ARHGEF10: variants seen among roughly 807,000 people sequenced by gnomAD.
The protein encoded by ARHGEF10 is Rho guanine nucleotide exchange factor 10, also known as Rho guanine nucleotide exchange factor (GEF) 10.
Under a neutral mutation model 147.4 loss-of-function variants are expected in ARHGEF10, and 140 were observed. That is an observed-to-expected ratio of 0.95 (90% CI 0.83 to 1.09). The LOEUF is 1.09. Among genes scored for constraint, ARHGEF10 ranks in the 50% least tolerant of loss-of-function variants. The pLI is 0.00. For missense variants in ARHGEF10, 2,222 were observed against 1,752.7 expected (o/e 1.27, Z -4.78); for synonymous variants, 902 against 695.8 (o/e 1.30, Z -4.67).
Position 1,893,695 on chromosome 8 carries a change from T to C in ARHGEF10, c.1260+49T>C, listed in dbSNP as rs773137470. 1.8e-5 allele frequency: 25 copies of C among 1,356,620 alleles called. No individual in the cohort carries two copies. In the Middle Eastern group the frequency reaches 1.6e-3, roughly 86 times the overall value. The allele number at this position is 1,356,620 out of a possible 1,614,324, so 84.0% of individuals were successfully genotyped here. A position where few individuals can be genotyped will look rare whatever the true frequency, so the allele number is the denominator to read the frequency against. ...ATACATACATTTCTATTATTCTTTT[T>C]TACCTATATACATTTTGATCCATAA... On this transcript the variant is annotated intron_variant, in intron 12 of 28. Transcript: ENST00000349830.
intron 9 of ARHGEF10, among the ~76,000 whole-genome samples, chr8:1,882,231 G>A (rs1808261928): frequency 6.6e-6 from 1 of 152,246 alleles, no homozygotes; most frequent in African/African-American, 2.4e-5. Context: ...CCCACATGGG[G>A]TGCAGTGGGA....
At chr8:1,873,716 T>C (rs7819561) in intron 7 of ARHGEF10, among the ~76,000 whole-genome samples, 15,556 of 62,780 alleles carry the variant, frequency 0.25, 1,959 homozygotes, top group East Asian at 0.46. Context: ...GGTAGTGCAC[T>C]CGCATTTCCT....
chr8:1,914,313 G>A (rs1345349459), intron 18 of ARHGEF10, among the ~76,000 whole-genome samples: 1 of 152,220 alleles, frequency 6.6e-6, no homozygotes, highest in African/African-American at 2.4e-5. Context: ...TTCTGTGGAG[G>A]CACGGAGGGG....
At chr8:1,925,990 G>A (rs1812661508) in intron 22 of ARHGEF10, among the ~76,000 whole-genome samples, 1 of 152,204 alleles carries the variant, frequency 6.6e-6, no homozygotes, top group Non-Finnish European at 1.5e-5. Context: ...GTTGAGAGTT[G>A]CAGGCGGTGC....
chr8:1,886,951 A>G (rs1808714433), intron 11 of ARHGEF10, among the ~76,000 whole-genome samples: 1 of 152,148 alleles, frequency 6.6e-6, no homozygotes, highest in Non-Finnish European at 1.5e-5. Context: ...CCAGGAACAG[A>G]GGATCTAGCG....
At chr8:1,912,733 T>G (rs891674563) in intron 18 of ARHGEF10, among the ~76,000 whole-genome samples, 2 of 152,148 alleles carry the variant, frequency 1.3e-5, no homozygotes, top group African/African-American at 4.8e-5. Flanking sequence ...TGATGCTGTT[T>G]TGAAAAATGT....
intron 4 of ARHGEF10, among the ~76,000 whole-genome samples, chr8:1,861,895 A>AT (rs1806163735): frequency 1.3e-5 from 2 of 152,222 alleles, no homozygotes; most frequent in Admixed American, 1.3e-4. Flanking sequence ...ATTTTAAAAT[A>AT]TTATTTGATT....
intron 25 of ARHGEF10, among the ~76,000 whole-genome samples, chr8:1,932,146 G>A (rs913407700): frequency 4.6e-5 from 7 of 152,198 alleles, no homozygotes; most frequent in African/African-American, 1.7e-4. Flanking sequence ...GTGAATGTCA[G>A]AGAAAATTGT....
At chr8:1,846,827 T>C (rs1161492690) in intron 2 of ARHGEF10, among the ~76,000 whole-genome samples, 4 of 152,226 alleles carry the variant, frequency 2.6e-5, no homozygotes, top group African/African-American at 9.6e-5. Context: ...TCTGCCCACG[T>C]TGGCCTCCGA....
chr8:1,855,757 T>C (rs1387658019), intron 2 of ARHGEF10, among the ~76,000 whole-genome samples: 1 of 152,180 alleles, frequency 6.6e-6, no homozygotes, highest in African/African-American at 2.4e-5. Flanking sequence ...GCAGCACGTT[T>C]ATTTGGCAAA....
At chr8:1,915,055 A>G (rs1811653132) in intron 18 of ARHGEF10, among the ~76,000 whole-genome samples, 1 of 152,158 alleles carries the variant, frequency 6.6e-6, no homozygotes, top group Non-Finnish European at 1.5e-5. Flanking sequence ...ACCTCCTGCC[A>G]CCACTCTCTG....
At chr8:1,947,597 G>A (rs1713263051) in intron 27 of ARHGEF10, among the ~76,000 whole-genome samples, 1 of 151,816 alleles carries the variant, frequency 6.6e-6, no homozygotes, top group South Asian at 2.1e-4. Flanking sequence ...GAAAGCCTGC[G>A]CTCTGGGGAC....
At chr8:1,838,898 T>G (rs1803753125) in intron 1 of ARHGEF10, among the ~76,000 whole-genome samples, 1 of 149,184 alleles carries the variant, frequency 6.7e-6, no homozygotes, top group Non-Finnish European at 1.5e-5. Flanking sequence ...GAGTGGAAGG[T>G]GTTTGATGTG....
intron 23 of ARHGEF10, chr8:1,927,500 CT>C (rs1812776557): frequency 6.6e-6 from 1 of 151,380 alleles, no homozygotes; most frequent in Non-Finnish European, 1.5e-5. Context: ...CCCCTTCCCA[CT>C]TAAAAAAAAA....
chr8:1,922,400 C>T lies in ARHGEF10; in HGVS notation c.2144-564C>T, dbSNP rs139690475. Among the ~76,000 whole-genome samples, 659 of 152,102 alleles carry T rather than the reference C, an allele frequency of 4.3e-3. 4 individuals carry two copies. Among genetic ancestry groups the T allele is most frequent in the African/African-American group, 0.015 (616 of 41,498 alleles). ...CTCTTACTAATAGCTGTTATGTCAA[C>T]GGTGTCTAAAAAATACAAAAGGGAC... On this transcript the variant is annotated intron_variant, in intron 18 of 28. Transcript: ENST00000349830.
intron 26 of ARHGEF10, among the ~76,000 whole-genome samples, chr8:1,941,906 A>T (rs1193227399): frequency 6.6e-6 from 1 of 152,206 alleles, no homozygotes; most frequent in Non-Finnish European, 1.5e-5. Context: ...GCACAACTTC[A>T]TTCTTCCATG....
rs146616563 is a variant in ARHGEF10 at position 1,848,813 on chromosome 8, C to T, written c.37+5377C>T. On this transcript the variant is annotated intron_variant, in intron 2 of 28. Coordinates refer to ENST00000349830, the MANE Select transcript of ARHGEF10 (RefSeq NM_014629.4). ...TCCCCTTGAAGCAAACTTTTAAATG[C>T]CGTTAATATAAGTGATAGTATCTGC... is the stretch of plus-strand genomic sequence containing the variant. Among the ~76,000 whole-genome samples the T allele has an allele frequency of 2.8e-4, 43 of 152,126 alleles. No individual in the cohort carries two copies. The East Asian group carries it at 7.5e-3, about 27-fold the overall frequency.
At chr8:1,834,741 G>A (rs1213249668) in intron 1 of ARHGEF10, among the ~76,000 whole-genome samples, 1 of 152,210 alleles carries the variant, frequency 6.6e-6, no homozygotes, top group African/African-American at 2.4e-5. Flanking sequence ...TAGACTTTGC[G>A]TCCTTTTACG....
At chr8:1,839,262 TACTGTCTGGTGTGGAA>T (rs1466146372) in intron 1 of ARHGEF10, among the ~76,000 whole-genome samples, 1 of 79,026 alleles carries the variant, frequency 1.3e-5, no homozygotes, top group Admixed American at 1.4e-4. Flanking sequence ...CCGCTGTGGG[TACTGTCTGGTGTGGAA>T]GCTGTCTGGT....
Sources: allele counts gnomAD v4.1 joint callset (sites outside exome capture counted in the v4.1 genomes callset), GRCh38; gene constraint gnomAD v4.1.1; transcripts MANE v1.5; gene names NCBI Gene and HGNC (gene_info 2026-07-23, HGNC 2026-07-21).